The following ROS1 variants were observed in gnomAD, a reference collection of about 807,000 sequenced individuals.
ROS1 encodes the protein ROS proto-oncogene 1, receptor tyrosine kinase.
A neutral mutation model predicts 273.5 loss-of-function variants in ROS1; 263 were observed. That is an observed-to-expected ratio of 0.96 (90% CI 0.87 to 1.06). ROS1 has a LOEUF of 1.06. Among genes scored for constraint, ROS1 ranks in the 50% least tolerant of loss-of-function variants. The pLI is 0.00. For missense variants in ROS1, 2,833 were observed against 2,751.1 expected, an observed-to-expected ratio of 1.03 and a Z score of -0.67; for synonymous variants, 1,008 against 954.1, an observed-to-expected ratio of 1.06 and a Z score of -1.04.
At chr6:117,388,184 C>A in intron 13 of ROS1, 192 bp from the exon 14 acceptor site, 1 of 807,572 alleles carries the variant, frequency 1.2e-6, no homozygotes, top group Non-Finnish European at 1.9e-6. Context: ...TCATGCCGCT[C>A]ATTTGGCTGC....
intron 12 of ROS1, among the ~76,000 whole-genome samples, chr6:117,391,306 G>A (rs957074032): frequency 6.6e-6 from 1 of 152,114 alleles, no homozygotes; most frequent in African/African-American, 2.4e-5. Flanking sequence ...GGAATTTGGA[G>A]GAATTTCAGA....
rs761574627 is a variant in ROS1 at position 117,301,137 on chromosome 6, C to T, written c.6552G>A (p.Leu2184=). ...CCCAGCACTGGGTCATTAAATTCCA[C>T]CTAAATATATGGGGAAAGATGGGAA... is the stretch of plus-strand genomic sequence containing the variant. The part of the protein sequence containing the change: ...LEPPRNCPDD[L]WNLMTQCWAQ... Residue 2184 remains leucine (L), a splice_region_variant and synonymous_variant, in exon 43 of 44, where the codon CTG becomes CTA. Coordinates refer to ENST00000368507, the MANE Select transcript of ROS1 (RefSeq NM_001378902.1). 20 of 1,578,166 alleles carry T rather than the reference C, an allele frequency of 1.3e-5. No homozygotes were observed. The highest frequency in any genetic ancestry group is 1.9e-5 in the Admixed American group (1 of 51,478).
intron 27 of ROS1, among the ~76,000 whole-genome samples, chr6:117,349,989 A>G (rs558908545): frequency 3.3e-5 from 5 of 152,044 alleles, no homozygotes; most frequent in Non-Finnish European, 7.4e-5. Context: ...TGAATATGTT[A>G]TTGCTATTAC....
intron 10 of ROS1, 23 bp from the exon 11 acceptor site, chr6:117,394,369 C>T: frequency 6.4e-7 from 1 of 1,556,372 alleles, no homozygotes; most frequent in Non-Finnish European, 8.6e-7. Context: ...TGCAAGTGCA[C>T]ACACATTATT....
rs1562238955 is a variant in ROS1 at position 117,288,815 on chromosome 6, T to A, written c.6716-13A>T. The A allele has an allele frequency of 1.3e-6, 2 of 1,566,852 alleles. No homozygotes were observed. The highest frequency in any genetic ancestry group is 1.7e-6 in the Non-Finnish European group (2 of 1,156,734). ...TCGCCATCTTCACCTGTGAAAAAAA[T>A]ATGAATGTTATTCTAGCATGTATTT... On this transcript the variant is annotated splice_polypyrimidine_tract_variant and intron_variant, in intron 43 of 43. Coordinates refer to ENST00000368507, the MANE Select transcript of ROS1 (RefSeq NM_001378902.1).
In ROS1 at chr6:117,356,900, T is replaced by C. The variant is rs757287309; in HGVS notation, c.3855A>G (p.Thr1285=). ...TCTGGTAGCCAAAATTGGAAACTTC[T>C]GTCCAATACAAGCGACTATAGAGGA... ...VYPLLSRLYW[T]EVSNFGYQMF... is the part of the protein sequence containing the mutation. Residue 1285 remains threonine, a synonymous_variant, in exon 26 of 44, where the codon ACA becomes ACG. Coordinates refer to ENST00000368507, the MANE Select transcript of ROS1 (RefSeq NM_001378902.1). 2 of 1,613,762 alleles carry C rather than the reference T, an allele frequency of 1.2e-6. No individual in the cohort carries two copies. The highest frequency in any genetic ancestry group is 2.2e-5 in the East Asian group (1 of 44,878).
At chr6:117,349,811 T>G (rs967402878) in intron 27 of ROS1, among the ~76,000 whole-genome samples, 1 of 152,028 alleles carries the variant, frequency 6.6e-6, no homozygotes, top group Non-Finnish European at 1.5e-5. Flanking sequence ...CAAGTCCACC[T>G]TCAAACAACA....
chr6:117,334,863 T>A lies in ROS1; in HGVS notation c.5230+2309A>T, dbSNP rs138014178. On this transcript the variant is annotated intron_variant, in intron 32 of 43. Transcript: ENST00000368507. ...ACTCAAGATGGATTAAACACTTAAA[T>A]GTAAAAACCAAAACCATAAAAACCC... Among the ~76,000 whole-genome samples, 915 of 152,240 alleles carry A rather than the reference T, an allele frequency of 6.0e-3. 8 individuals carry two copies. The highest frequency in any genetic ancestry group is 0.021 in the African/African-American group (861 of 41,550).
rs1022678658 is a variant in ROS1, at chr6:117,396,324, A to C, written c.807-60T>G. 24 of 1,159,764 alleles carry C rather than the reference A, an allele frequency of 2.1e-5. No homozygotes were observed. In the African/African-American group the frequency reaches 2.4e-4, roughly 12 times the overall value. 71.8% of individuals were successfully genotyped at this position (1,159,764 alleles called of 1,614,324 possible). ...CATGGCATGGTGTGAACATGAGATAAAAATAGAAGGAGCAATAACATTTCT... is the reference window on the plus strand; with the variant it reads ...CATGGCATGGTGTGAACATGAGATACAAATAGAAGGAGCAATAACATTTCT... On this transcript the variant is annotated intron_variant, in intron 8 of 43. Coordinates refer to ENST00000368507, the MANE Select transcript of ROS1 (RefSeq NM_001378902.1).
chr6:117,314,127 G>A (rs1351156235), intron 39 of ROS1, among the ~76,000 whole-genome samples: 1 of 151,852 alleles, frequency 6.6e-6, no homozygotes, highest in Non-Finnish European at 1.5e-5. Context: ...CACAAAACAA[G>A]ACAAATCTAC....
rs113484154 is a variant in ROS1 at position 117,321,013 on chromosome 6, T to C, written c.5759+246A>G. 2.7e-3 allele frequency among the ~76,000 whole-genome samples: 418 copies of C among 152,296 alleles called. 2 individuals are homozygous for C. Among genetic ancestry groups the C allele is most frequent in the African/African-American group, 9.5e-3 (397 of 41,572 alleles). ...TGTAATATTTTTCTCCTTCTTTCAT[T>C]TGTTTTTGAGCTACATGACAAAATA... On this transcript the variant is annotated intron_variant, in intron 36 of 43. Coordinates refer to ENST00000368507, the MANE Select transcript of ROS1 (RefSeq NM_001378902.1).
chr6:117,321,661 C>A (rs1173911664), intron 35 of ROS1, among the ~76,000 whole-genome samples: 1 of 151,966 alleles, frequency 6.6e-6, no homozygotes, highest in African/African-American at 2.4e-5. Context: ...TTGTTATAAA[C>A]AAATTAAAGT....
chr6:117,349,722 T>C (rs1425147154), intron 27 of ROS1, among the ~76,000 whole-genome samples: 1 of 152,050 alleles, frequency 6.6e-6, no homozygotes, highest in African/African-American at 2.4e-5. Context: ...CTCTCCTTTC[T>C]TGGGAATCAG....
chr6:117,336,609 A>G (rs1019472300), intron 32 of ROS1, among the ~76,000 whole-genome samples: 5 of 152,118 alleles, frequency 3.3e-5, no homozygotes, highest in Non-Finnish European at 7.4e-5. Context: ...ATGATTCATT[A>G]TTGTGAATAG....
rs1329428481 is a variant in ROS1, at chr6:117,288,268, C to G, written c.*224G>C. Reference sequence around the variant, plus strand: ...TGAGTCTTCCTAAGCTTTCCACATGCTTAGTGTTCATCTCATAATTCTACT... The same window carrying G: ...TGAGTCTTCCTAAGCTTTCCACATGGTTAGTGTTCATCTCATAATTCTACT... On this transcript the variant is annotated 3_prime_UTR_variant, in exon 44 of 44. Coordinates refer to ENST00000368507, the MANE Select transcript of ROS1 (RefSeq NM_001378902.1). The G allele has an allele frequency of 1.8e-6, 1 of 553,674 alleles. No homozygotes were observed. The highest frequency in any genetic ancestry group is 3.2e-6 in the Non-Finnish European group (1 of 314,940). The allele number at this position is 553,674 out of a possible 1,614,324, so 34.3% of individuals were successfully genotyped here.
intron 27 of ROS1, among the ~76,000 whole-genome samples, chr6:117,352,652 C>A (rs1246283693): frequency 6.6e-6 from 1 of 152,020 alleles, no homozygotes; most frequent in Non-Finnish European, 1.5e-5. Flanking sequence ...CTTTTTGACA[C>A]CACTGGGAGG....
At chr6:117,302,133 T>A (rs2128538788) in intron 42 of ROS1, among the ~76,000 whole-genome samples, 1 of 152,362 alleles carries the variant, frequency 6.6e-6, no homozygotes, top group East Asian at 1.9e-4. Context: ...TTATATTGTT[T>A]ATAATTAACT....
chr6:117,369,167 G>A (rs183673454), intron 18 of ROS1, among the ~76,000 whole-genome samples: 3 of 151,972 alleles, frequency 2.0e-5, no homozygotes, highest in Non-Finnish European at 2.9e-5. Flanking sequence ...TTTCCTGATA[G>A]GTTTAAAAGG....
At chr6:117,395,435 C>T (rs1176058860) in intron 9 of ROS1, among the ~76,000 whole-genome samples, 2 of 152,116 alleles carry the variant, frequency 1.3e-5, no homozygotes, top group African/African-American at 4.8e-5. Flanking sequence ...GGATGACACT[C>T]AATACCCATT....
Sources: gnomAD v4.1 joint callset for allele counts (sites outside exome capture counted in the v4.1 genomes callset) on GRCh38, gnomAD v4.1.1 for gene constraint, MANE v1.5 for transcripts, NCBI Gene and HGNC (gene_info 2026-07-23, HGNC 2026-07-21) for gene names.